Variants in LPIN1 observed in about 807,000 individuals in gnomAD.
The protein encoded by LPIN1 is lipin 1, also known as phosphatidate phosphatase LPIN1.
LPIN1 carries 71 observed loss-of-function variants against 107.5 expected under a neutral mutation model. The ratio of observed to expected loss-of-function variants is 0.66; its 90% CI spans 0.55 to 0.80. The LOEUF (loss-of-function observed/expected upper bound fraction) is 0.80. Among genes scored for constraint, LPIN1 ranks in the 30% least tolerant of loss-of-function variants. The pLI, the probability that LPIN1 is intolerant of heterozygous loss-of-function variation, is 0.00. For missense variants in LPIN1, 1,043 were observed against 1,160.6 expected (o/e 0.90, Z 1.47); for synonymous variants, 445 against 452.6 (o/e 0.98, Z 0.21).
intron 6 of LPIN1, among the ~76,000 whole-genome samples, chr2:11,776,573 G>A (rs1461435513): frequency 1.3e-5 from 2 of 151,774 alleles, no homozygotes; most frequent in African/African-American, 4.8e-5. Flanking sequence ...TTTCTGTCTC[G>A]GGTTGTTTGA....
chr2:11,701,884 TG>T (rs1338873929), intron 1 of LPIN1, among the ~76,000 whole-genome samples: 2 of 152,206 alleles, frequency 1.3e-5, no homozygotes, highest in Non-Finnish European at 2.9e-5. Flanking sequence ...CTGTTTGGTT[TG>T]GTCCGTGCTT....
chr2:11,692,748 G>T lies in LPIN1; in HGVS notation c.81+15020G>T, dbSNP rs182271532. On this transcript the variant is annotated intron_variant, in intron 1 of 21. Transcript: ENST00000449576. ...CCATAGGACAAAAATCATTTAAATT[G>T]CCCTTCTCCAGATGTTTTTGATGAA... 7.9e-5 allele frequency among the ~76,000 whole-genome samples: 12 copies of T among 152,222 alleles called. No homozygotes were observed. The East Asian group carries it at 2.3e-3, about 29-fold the overall frequency.
Position 11,791,724 on chromosome 2 carries a change from A to G in LPIN1, c.1714-190A>G, listed in dbSNP as rs1450968539. The G allele has an allele frequency of 2.1e-6, 3 of 1,446,318 alleles. No individual in the cohort carries two copies. The East Asian group carries it at 9.1e-5, about 44-fold the overall frequency. The allele number at this position is 1,446,318 out of a possible 1,614,324, so 89.6% of individuals were successfully genotyped here. A position where few individuals can be genotyped will look rare whatever the true frequency, so the allele number is the denominator to read the frequency against. ...CTTCTTAAGTCTTCATGCTTAAGTT[A>G]CCTTCATGTAATTTTGGACGCCATT... On this transcript the variant is annotated intron_variant, in intron 12 of 20. Coordinates refer to ENST00000674199, the MANE Select transcript of LPIN1 (RefSeq NM_001349206.2).
At chr2:11,731,754 T>C (rs1432882022) in intron 1 of LPIN1, among the ~76,000 whole-genome samples, 2 of 152,206 alleles carry the variant, frequency 1.3e-5, no homozygotes, top group Admixed American at 1.3e-4. Context: ...TTTTTAATAA[T>C]TGCCTTTCCA....
intron 1 of LPIN1, among the ~76,000 whole-genome samples, chr2:11,696,253 A>G (rs576838449): frequency 5.8e-4 from 88 of 151,158 alleles, no homozygotes; most frequent in East Asian, 2.2e-3. Flanking sequence ...TCATTGTTCA[A>G]TTCCCACTTA....
In LPIN1 at chr2:11,748,100, G is replaced by A. The variant is rs544739336; in HGVS notation, c.-10+1429G>A. Reference sequence around the variant, plus strand: ...TGTGGGAGAGAACGCGAGGGTTCAGGTGAGAGACCGCAGGGATTCCTGGTT... The same window carrying A: ...TGTGGGAGAGAACGCGAGGGTTCAGATGAGAGACCGCAGGGATTCCTGGTT... On this transcript the variant is annotated intron_variant, in intron 1 of 20. Transcript: ENST00000674199. Among the ~76,000 whole-genome samples the A allele has an allele frequency of 5.3e-5, 8 of 152,330 alleles. No homozygotes were observed. In the East Asian group the frequency reaches 7.7e-4, roughly 15 times the overall value.
At chr2:11,764,167 C>T (rs1670406012) in intron 1 of LPIN1, 3 of 148,552 alleles carry the variant, frequency 2.0e-5, no homozygotes, top group Middle Eastern at 3.5e-3. Context: ...TTATATATGT[C>T]ATATATATGG....
chr2:11,706,385 G>A (rs1466605272), intron 1 of LPIN1, among the ~76,000 whole-genome samples: 2 of 152,096 alleles, frequency 1.3e-5, no homozygotes, highest in Admixed American at 1.3e-4. Flanking sequence ...TACATTGGGT[G>A]GTAAAGGAAA....
chr2:11,724,753 G>T (rs1052127734), intron 1 of LPIN1: 5 of 468,692 alleles, frequency 1.1e-5, no homozygotes, highest in Admixed American at 6.4e-5. Flanking sequence ...GCTGAAGGGG[G>T]CAGTGACTGG....
intron 20 of LPIN1, 88 bp downstream of exon 20, chr2:11,820,602 C>T: frequency 2.3e-6 from 2 of 863,902 alleles, no homozygotes; most frequent in Non-Finnish European, 3.9e-6. Context: ...ACCTTTTCCC[C>T]TTTGCTGCCT....
intron 13 of LPIN1, among the ~76,000 whole-genome samples, chr2:11,793,778 A>T (rs1676194581): frequency 6.6e-6 from 1 of 152,138 alleles, no homozygotes; most frequent in Non-Finnish European, 1.5e-5. Context: ...CATAGTTGAT[A>T]ATTATGTAAT....
rs896065282 is a variant in LPIN1 at position 11,692,283 on chromosome 2, C to CCTTGGCACATA, written c.81+14591_81+14601dup. On this transcript the variant is annotated intron_variant, in intron 1 of 21. Transcript: ENST00000449576. The stretch of plus-strand genomic sequence containing the variant: ...AAAGTTTGGTCCCCTTTCCTTCTTG[C>CCTTGGCACATA]CTTGGCACATACTTGGCACATACTT... Among the ~76,000 whole-genome samples the CCTTGGCACATA allele has an allele frequency of 1.9e-4, 28 of 144,540 alleles. No homozygotes were observed. In the South Asian group the frequency reaches 4.8e-3, roughly 25 times the overall value. 94.8% of individuals were successfully genotyped at this position (144,540 alleles called of 152,430 possible).
Position 11,805,156 on chromosome 2 carries a change from A to C in LPIN1, c.2249A>C (p.Gln750Pro). Reference protein sequence around the residue: ...GIAKLYHKVSQNGYKFLYCSA... With the variant: ...GIAKLYHKVSPNGYKFLYCSA... ...GCTAAGCTGTACCATAAAGTGAGCC[A>C]GTGAGTACAGAGTTCCTGTTTCCCG... is the stretch of plus-strand genomic sequence containing the variant. The change falls in exon 17 of 21, where the codon CAG becomes CCG. Residue 750 changes from glutamine (Q) to proline (P), a missense_variant and splice_region_variant. Physicochemically the swap from Gln to Pro is moderately conservative, Grantham distance 76. Coordinates refer to ENST00000674199, the MANE Select transcript of LPIN1 (RefSeq NM_001349206.2). 1 of 1,611,614 alleles carries C rather than the reference A, an allele frequency of 6.2e-7. No homozygotes were observed. The highest frequency in any genetic ancestry group is 8.5e-7 in the Non-Finnish European group (1 of 1,177,656).
At chr2:11,824,356 T>A (rs1682071581) in intron 20 of LPIN1, among the ~76,000 whole-genome samples, 1 of 151,212 alleles carries the variant, frequency 6.6e-6, no homozygotes, top group Admixed American at 6.6e-5. Context: ...CTGCCGTCTT[T>A]TGCTTGGCTG....
At chr2:11,799,066 C>T (rs1457952425) in intron 14 of LPIN1, among the ~76,000 whole-genome samples, 6 of 152,110 alleles carry the variant, frequency 3.9e-5, no homozygotes, top group African/African-American at 1.2e-4. Context: ...TGGGGGCCTC[C>T]GAAAAGGAGG....
At chr2:11,681,778 G>A (rs1661726611) in intron 1 of LPIN1, among the ~76,000 whole-genome samples, 1 of 152,166 alleles carries the variant, frequency 6.6e-6, no homozygotes, top group African/African-American at 2.4e-5. Context: ...CTTGGGGGTT[G>A]GACTTGGGGC....
Position 11,825,717 on chromosome 2 carries a change from G to A in LPIN1, c.*926G>A, listed in dbSNP as rs952568453. On this transcript the variant is annotated 3_prime_UTR_variant, in exon 21 of 21. Coordinates refer to ENST00000674199, the MANE Select transcript of LPIN1 (RefSeq NM_001349206.2). This position sits in a 1 kb window ranked among gnomAD's most constrained non-coding sequence, Gnocchi z 4.1. ...TGATAATGATACTGACTTCTGTTGG[G>A]AGCTCTCCAAAGAAACTGGTTGGTT... is the stretch of plus-strand genomic sequence containing the variant. 1.3e-5 allele frequency: 2 copies of A among 152,430 alleles called. No individual in the cohort carries two copies. The highest frequency in any genetic ancestry group is 4.8e-5 in the African/African-American group (2 of 41,424). 9.4% of individuals were successfully genotyped at this position (152,430 alleles called of 1,614,324 possible). A position where few individuals can be genotyped will look rare whatever the true frequency, so the allele number is the denominator to read the frequency against.
chr2:11,749,047 A>C (rs1667398852), intron 1 of LPIN1, among the ~76,000 whole-genome samples: 1 of 152,194 alleles, frequency 6.6e-6, no homozygotes, highest in Non-Finnish European at 1.5e-5. Context: ...GAGAAGGGCA[A>C]AGTCACAATT....
At chr2:11,685,505 G>A (rs761156250) in intron 1 of LPIN1, among the ~76,000 whole-genome samples, 1 of 152,190 alleles carries the variant, frequency 6.6e-6, no homozygotes, top group African/African-American at 2.4e-5. Flanking sequence ...CCATTTACTC[G>A]AATAAACTCT....
Sources: allele counts gnomAD v4.1 joint callset (sites outside exome capture counted in the v4.1 genomes callset), GRCh38; gene constraint gnomAD v4.1.1; non-coding constraint Gnocchi (gnomAD v3.1); transcripts MANE v1.5; gene names NCBI Gene and HGNC (gene_info 2026-07-23, HGNC 2026-07-21).